WAS: variants seen among roughly 807,000 people sequenced by gnomAD.
The protein encoded by WAS is actin nucleation-promoting factor WAS.
In WAS, 1 loss-of-function variant was observed where a neutral mutation model predicts 38.9. The ratio of observed to expected loss-of-function variants is 0.03; its 90% CI spans 0.01 to 0.12. The LOEUF (loss-of-function observed/expected upper bound fraction) is 0.12. Among genes scored for constraint, WAS ranks in the 10% least tolerant of loss-of-function variants. WAS has a pLI of 1.00. For synonymous variants in WAS, 182 were observed against 173.6 expected (o/e 1.05, Z -0.38); for missense variants, 311 against 431.2 (o/e 0.72, Z 2.47).
upstream of WAS, among the ~76,000 whole-genome samples, chrX:48,681,258 C>T (rs2062400059): frequency 8.9e-6 from 1 of 111,816 alleles, no homozygotes; most frequent in Non-Finnish European, 1.9e-5. Context: ...GCAACCTCCG[C>T]CTCCCAGGTT....
At chrX:48,685,227 G>A (rs1346924946) in intron 2 of WAS, among the ~76,000 whole-genome samples, 2 of 111,061 alleles carry the variant, frequency 1.8e-5, no homozygotes. Flanking sequence ...TGGGGTGGTG[G>A]GGGAGGGCAT....
intron 11 of WAS, among the ~76,000 whole-genome samples, chrX:48,689,866 T>C (rs1449676111): frequency 9.3e-6 from 1 of 107,741 alleles, no homozygotes; most frequent in Non-Finnish European, 1.9e-5. Flanking sequence ...TCAAGCATAG[T>C]GGTGTGTGCC....
chrX:48,678,252 A>T (rs1436240569), intron 1 of WAS, among the ~76,000 whole-genome samples: 1 of 111,738 alleles, frequency 8.9e-6, no homozygotes, highest in Non-Finnish European at 1.9e-5. Context: ...GACCATGAAG[A>T]TAGTACGGTG....
rs782693720 is a variant in WAS at position 48,686,740 on chromosome X, G to T, written c.560-41G>T. The stretch of plus-strand genomic sequence containing the variant: ...CTTGCCCCTGTGCTTTGGTTGGTTG[G>T]TAAGTGGGTCAATGAGCCAACCACC... On this transcript the variant is annotated intron_variant, in intron 6 of 11. Coordinates refer to ENST00000376701, the MANE Select transcript of WAS (RefSeq NM_000377.3). 31 of 1,204,714 alleles carry T rather than the reference G, an allele frequency of 2.6e-5. No homozygotes were observed. The Middle Eastern group carries it at 1.9e-3, about 72-fold the overall frequency.
In WAS at chrX:48,686,884, C is replaced by T. The variant is rs2062421875; in HGVS notation, c.663C>T (p.Ser221=). ...GTGGGCTCCCAGCACCTGGACCTAGCCCAGCTGATAAGAAACGCTCAGGGA... is the reference window on the plus strand; with the variant it reads ...GTGGGCTCCCAGCACCTGGACCTAGTCCAGCTGATAAGAAACGCTCAGGGA... The part of the protein sequence containing the change: ...RYRGLPAPGP[S]PADKKRSGKK... Residue 221 remains serine, a synonymous_variant, in exon 7 of 12, where the codon AGC becomes AGT. Transcript: ENST00000376701. 1 of 1,210,214 alleles carries T rather than the reference C, an allele frequency of 8.3e-7. No homozygotes were observed. Among genetic ancestry groups the T allele is most frequent in the Non-Finnish European group, 1.1e-6 (1 of 895,263 alleles).
chrX:48,679,109 AG>A (rs1428143556), upstream of WAS, among the ~76,000 whole-genome samples: 1 of 109,143 alleles, frequency 9.2e-6, no homozygotes, highest in African/African-American at 3.3e-5. Flanking sequence ...AGCTCACTGC[AG>A]CCTCGATTTC....
At chrX:48,688,592 A>G in intron 9 of WAS, 68 bp from the exon 10 acceptor site, 2 of 1,201,848 alleles carry the variant, frequency 1.7e-6, no homozygotes, top group Non-Finnish European at 2.3e-6. Flanking sequence ...CCATTTTACA[A>G]ATGAGCAAAA....
chrX:48,681,099 G>A (rs1177487433), upstream of WAS, among the ~76,000 whole-genome samples: 1 of 111,942 alleles, frequency 8.9e-6, no homozygotes, highest in Admixed American at 9.5e-5. Flanking sequence ...GTGTGACCTC[G>A]GGCAAGGCAC....
chrX:48,685,891 G>A (rs1021858036), intron 4 of WAS, 55 bp downstream of exon 4: 2 of 1,207,636 alleles, frequency 1.7e-6, no homozygotes, highest in African/African-American at 3.5e-5. Flanking sequence ...TGCAAGCCTG[G>A]GGAACTAGAA....
chrX:48,677,521 G>A (rs1358494934), intron 1 of WAS, among the ~76,000 whole-genome samples: 3 of 111,821 alleles, frequency 2.7e-5, no homozygotes, highest in African/African-American at 9.8e-5. Flanking sequence ...TATCATCTTC[G>A]CGTTCTGGAT....
chrX:48,683,680 G>A, upstream of WAS: 1 of 668,576 alleles, frequency 1.5e-6, no homozygotes. Context: ...ATGGCGGAGG[G>A]CCCAAGCTCA....
In WAS at chrX:48,685,949, G is replaced by C. The variant is rs2062418154; in HGVS notation, c.467G>C (p.Arg156Thr). 5.0e-6 allele frequency: 6 copies of C among 1,211,780 alleles called. No individual in the cohort carries two copies. The highest frequency in any genetic ancestry group is 6.7e-6 in the Non-Finnish European group (6 of 895,513). Residue 156 changes from arginine to threonine, a missense_variant, in exon 5 of 12, where the codon AGA becomes ACA. By Grantham distance (71) the Arg-to-Thr change is moderately conservative. Around this residue, in one of 4 missense-constraint regions of WAS, gnomAD observed 31 missense variants for 20.1 expected, o/e 1.55. Coordinates refer to ENST00000376701, the MANE Select transcript of WAS (RefSeq NM_000377.3). ...QKRNQRQSGD[R>T]RQLPPPPTPA... ...CTCCCAATCCATCTATCCACAGACA[G>C]ACGCCAGCTACCCCCACCACCAACA... is the stretch of plus-strand genomic sequence containing the variant.
exon 1 of WAS, chrX:48,676,658 C>T (rs1557005262): frequency 8.8e-6 from 1 of 113,222 alleles, no homozygotes; most frequent in Non-Finnish European, 1.9e-5. Flanking sequence ...AACGGCCGCC[C>T]GGGGCGAGGG....
chrX:48,688,259 A>C (rs1557006992), intron 8 of WAS, 41 bp from the exon 9 acceptor site: 1 of 1,179,456 alleles, frequency 8.5e-7, no homozygotes. Flanking sequence ...TCCTCGCCTT[A>C]TTCCTCTACT....
chrX:48,677,452 C>T (rs1163547153), intron 1 of WAS, among the ~76,000 whole-genome samples: 1 of 111,865 alleles, frequency 8.9e-6, no homozygotes, highest in Non-Finnish European at 1.9e-5. Context: ...GTGCCAAGCT[C>T]TCCTGATCAC....
chrX:48,688,822 G>A lies in WAS; in HGVS notation c.1094G>A (p.Gly365Glu). Residue 365 changes from glycine (G) to glutamate (E), a missense_variant, in exon 10 of 12, where the codon GGG (glycine) becomes GAG (glutamate). Gly to Glu is a moderately conservative substitution (Grantham distance 98). Coordinates refer to ENST00000376701, the MANE Select transcript of WAS (RefSeq NM_000377.3). ...TPRGPPPPGR[G>E]GPPPPPPPAT... ...CGGGGACCCCCACCCCCAGGCCGAG[G>A]GGGCCCTCCACCACCACCCCCTCCA... 3 of 1,129,758 alleles carry A rather than the reference G, an allele frequency of 2.7e-6. No individual in the cohort carries two copies. The highest frequency in any genetic ancestry group is 3.5e-6 in the Non-Finnish European group (3 of 851,108). The allele number at this position is 1,129,758 out of a possible 1,213,427, so 93.1% of individuals were successfully genotyped here.
In WAS at chrX:48,686,005, AG is replaced by A; in HGVS notation, c.505+19del. ...CAATGAAGGTGAGTCCTCTAGTGCAAGTAGGGGTAATAAGGGGCTAGCCCAG... is the reference window on the plus strand; with the variant it reads ...CAATGAAGGTGAGTCCTCTAGTGCAATAGGGGTAATAAGGGGCTAGCCCAG... On this transcript the variant is annotated intron_variant, in intron 5 of 11. Transcript: ENST00000376701. The A allele has an allele frequency of 8.3e-7, 1 of 1,211,295 alleles. No individual in the cohort carries two copies. Among genetic ancestry groups the A allele is most frequent in the Non-Finnish European group, 1.1e-6 (1 of 895,111 alleles).
intron 2 of WAS, among the ~76,000 whole-genome samples, chrX:48,684,961 A>G (rs2062414568): frequency 9.0e-6 from 1 of 111,113 alleles, no homozygotes; most frequent in African/African-American, 3.3e-5. Context: ...CTTTTCCACA[A>G]TCCCCTGACC....
rs2062410270 is a variant in WAS at position 48,683,865 on chromosome X, C to A, written c.12C>A (p.Gly4=). The change falls in exon 1 of 12, where the codon GGC becomes GGA. Residue 4 remains glycine, a synonymous_variant. Coordinates refer to ENST00000376701, the MANE Select transcript of WAS (RefSeq NM_000377.3). MSG[G]PMGGRPGGRG... The stretch of plus-strand genomic sequence containing the variant: ...GGGCAGAAAGCACCATGAGTGGGGG[C>A]CCAATGGGAGGAAGGCCCGGGGGCC... The A allele has an allele frequency of 8.3e-7, 1 of 1,211,606 alleles. No individual in the cohort carries two copies. Among genetic ancestry groups the A allele is most frequent in the Non-Finnish European group, 1.1e-6 (1 of 895,356 alleles).
Sources: allele counts gnomAD v4.1 joint callset (sites outside exome capture counted in the v4.1 genomes callset), GRCh38; gene constraint gnomAD v4.1.1; regional missense constraint gnomAD v4.1.1; transcripts MANE v1.5; gene names NCBI Gene and HGNC (gene_info 2026-07-23, HGNC 2026-07-21).